Variants in SCNN1B observed in about 807,000 individuals in gnomAD.
SCNN1B encodes the protein sodium channel epithelial 1 subunit beta.
A neutral mutation model predicts 65.3 loss-of-function variants in SCNN1B; 46 were observed. That is an observed-to-expected ratio of 0.70 (90% CI 0.56 to 0.90). The LOEUF is 0.90. Ranked by LOEUF, SCNN1B falls within the 40% of genes least tolerant of loss-of-function variation. The probability of loss-of-function intolerance (pLI) is 0.00; values close to 1 mark genes in which losing one functional copy is unlikely to be tolerated. For missense variants in SCNN1B, 751 were observed against 830.5 expected (o/e 0.90, Z 1.18); for synonymous variants, 349 against 330.6 (o/e 1.06, Z -0.60).
chr16:23,329,705 G>T (rs570908367), intron 1 of SCNN1B, among the ~76,000 whole-genome samples: 79 of 152,234 alleles, frequency 5.2e-4, no homozygotes, highest in African/African-American at 1.4e-3. Flanking sequence ...CCCAGTAAGG[G>T]GAATCATGGT....
At chr16:23,305,128 C>G (rs763640756) in intron 1 of SCNN1B, among the ~76,000 whole-genome samples, 2 of 152,088 alleles carry the variant, frequency 1.3e-5, no homozygotes, top group East Asian at 3.9e-4. Flanking sequence ...CCAAGCCCAG[C>G]TTACTGTGGA....
chr16:23,278,817 G>A (rs1304853396), intron 1 of SCNN1B, among the ~76,000 whole-genome samples: 1 of 151,962 alleles, frequency 6.6e-6, no homozygotes, highest in African/African-American at 2.4e-5. Flanking sequence ...GCATGCACCT[G>A]TAGTCCCAGC....
chr16:23,378,500 G>C (rs984970446), intron 10 of SCNN1B, among the ~76,000 whole-genome samples: 22 of 152,160 alleles, frequency 1.4e-4, no homozygotes, highest in African/African-American at 4.8e-4. Context: ...CGCCGAGGAA[G>C]AGTCTGGAGG....
intron 1 of SCNN1B, among the ~76,000 whole-genome samples, chr16:23,336,311 A>G (rs1961938244): frequency 6.6e-6 from 1 of 152,048 alleles, no homozygotes; most frequent in South Asian, 2.1e-4. Context: ...GGACCAGTAC[A>G]TGCTTCAGCC....
chr16:23,336,371 ATT>A (rs745716509), intron 1 of SCNN1B, among the ~76,000 whole-genome samples: 13,697 of 134,326 alleles, frequency 0.1, 629 homozygotes, highest in African/African-American at 0.15. Flanking sequence ...AAGCAAGACG[ATT>A]TTTTTTTTTT....
At chr16:23,335,460 T>C (rs1343346908) in intron 1 of SCNN1B, among the ~76,000 whole-genome samples, 1 of 32,018 alleles carries the variant, frequency 3.1e-5, no homozygotes. Flanking sequence ...CTGTATTTTC[T>C]TTTTTTTTTT....
intron 1 of SCNN1B, among the ~76,000 whole-genome samples, chr16:23,307,600 A>G (rs12445582): frequency 0.34 from 51,413 of 152,016 alleles, 10,527 homozygotes; most frequent in African/African-American, 0.58. Context: ...GATTACAGGC[A>G]TGAGCCGCTG....
intron 1 of SCNN1B, among the ~76,000 whole-genome samples, chr16:23,312,071 C>G (rs1191030109): frequency 1.3e-5 from 2 of 152,112 alleles, no homozygotes; most frequent in African/African-American, 2.4e-5. Flanking sequence ...GAGAAGGGAC[C>G]AGGGGAGTTC....
chr16:23,355,492 G>A lies in SCNN1B; in HGVS notation c.776+3G>A, dbSNP rs764585786. 18 of 1,613,832 alleles carry A rather than the reference G, an allele frequency of 1.1e-5. No homozygotes were observed. Among genetic ancestry groups the A allele is most frequent in the Admixed American group, 1.7e-5 (1 of 59,998 alleles). Reference sequence around the variant, plus strand: ...GGAGCTGAGCCCTGCAACTACCGGTGAGAGCCACCCCAAGCCCACCCGGCC... The same window carrying A: ...GGAGCTGAGCCCTGCAACTACCGGTAAGAGCCACCCCAAGCCCACCCGGCC... On this transcript the variant is annotated splice_donor_region_variant and intron_variant, in intron 4 of 12. Transcript: ENST00000343070.
intron 1 of SCNN1B, among the ~76,000 whole-genome samples, chr16:23,322,266 G>A (rs1272436876): frequency 1.3e-5 from 2 of 152,114 alleles, no homozygotes; most frequent in African/African-American, 4.8e-5. Flanking sequence ...TACAACACAA[G>A]CCACAGATCG....
chr16:23,289,933 C>A (rs1960900703), intron 2 of SCNN1B, among the ~76,000 whole-genome samples: 1 of 152,120 alleles, frequency 6.6e-6, no homozygotes, highest in Admixed American at 6.5e-5. Flanking sequence ...ACCTCGGCCT[C>A]CCAAAGTGCT....
intron 1 of SCNN1B, among the ~76,000 whole-genome samples, chr16:23,306,407 A>G (rs1961221094): frequency 6.6e-6 from 1 of 152,314 alleles, no homozygotes; most frequent in Non-Finnish European, 1.5e-5. Flanking sequence ...GCCTGACTCA[A>G]GTAAACACTG....
intron 1 of SCNN1B, among the ~76,000 whole-genome samples, chr16:23,307,953 G>A (rs1398787177): frequency 6.6e-6 from 1 of 152,174 alleles, no homozygotes; most frequent in African/African-American, 2.4e-5. Flanking sequence ...GCTGAGGTGA[G>A]AGGATTGCTT....
Position 23,359,696 on chromosome 16 carries a change from T to C in SCNN1B, c.776+4207T>C, listed in dbSNP as rs368964625. ...CAGAATTAGGAAAATGTGAGCCGCA[T>C]GTGGACCCCAACACCAAACTGCCTG... On this transcript the variant is annotated intron_variant, in intron 4 of 12. Transcript: ENST00000343070. Among the ~76,000 whole-genome samples, 6 of 151,822 alleles carry C rather than the reference T, an allele frequency of 4.0e-5. No individual in the cohort carries two copies. In the East Asian group the frequency reaches 1.2e-3, roughly 29 times the overall value.
Position 23,380,287 on chromosome 16 carries a change from C to T in SCNN1B, c.1542+118C>T, listed in dbSNP as rs1963014108. 2.6e-6 allele frequency: 4 copies of T among 1,509,568 alleles called. No individual in the cohort carries two copies. The East Asian group carries it at 9.0e-5, about 34-fold the overall frequency. The allele number at this position is 1,509,568 out of a possible 1,614,324, so 93.5% of individuals were successfully genotyped here. ...ATTAGGAAGATCCCTAAGACAGTCC[C>T]AAGTTATTCCCCTGGGCCAAGATGG... is the stretch of plus-strand genomic sequence containing the variant. On this transcript the variant is annotated intron_variant, in intron 12 of 12. Coordinates refer to ENST00000343070, the MANE Select transcript of SCNN1B (RefSeq NM_000336.3). This position sits in a 1 kb window ranked among gnomAD's most constrained non-coding sequence, Gnocchi z 5.4.
intron 1 of SCNN1B, among the ~76,000 whole-genome samples, chr16:23,305,539 TATATA>T (rs1961181703): frequency 4.2e-5 from 1 of 23,932 alleles, no homozygotes; most frequent in Non-Finnish European, 6.1e-5. Flanking sequence ...ATATATTATA[TATATA>T]TATATATATA....
At chr16:23,358,683 G>GA (rs1962469184) in intron 4 of SCNN1B, 1 of 152,250 alleles carries the variant, frequency 6.6e-6, no homozygotes, top group Admixed American at 6.5e-5. Flanking sequence ...GAAGCTGGCA[G>GA]ATCGCTTGAG....
intron 1 of SCNN1B, among the ~76,000 whole-genome samples, chr16:23,347,573 A>C (rs976433611): frequency 6.6e-6 from 1 of 152,240 alleles, no homozygotes; most frequent in Admixed American, 6.5e-5. Context: ...AAATGCTTCT[A>C]ATATTAAACA....
rs1211098412 is a variant in SCNN1B, at chr16:23,355,282, C to T, written c.586-17C>T. The T allele has an allele frequency of 2.5e-6, 4 of 1,613,966 alleles. No homozygotes were observed. The highest frequency in any genetic ancestry group is 3.4e-6 in the Non-Finnish European group (4 of 1,179,946). ...AGCTCCCACGCCACCCACAAAAACC[C>T]CTCTTGGCCTCCACAGTGTAGCCTC... On this transcript the variant is annotated splice_polypyrimidine_tract_variant and intron_variant, in intron 3 of 12. Transcript: ENST00000343070.
Sources: allele counts gnomAD v4.1 joint callset (sites outside exome capture counted in the v4.1 genomes callset), GRCh38; gene constraint gnomAD v4.1.1; non-coding constraint Gnocchi (gnomAD v3.1); transcripts MANE v1.5; gene names NCBI Gene and HGNC (gene_info 2026-07-23, HGNC 2026-07-21).